Variants in ZNF532 observed in about 807,000 individuals in gnomAD.
ZNF532 encodes the protein zinc finger protein 532.
Under a neutral mutation model 89.3 loss-of-function variants are expected in ZNF532, and 22 were observed. The observed-to-expected ratio is 0.25, with a 90% CI of 0.18 to 0.35. ZNF532 has a LOEUF of 0.35. Ranked by LOEUF, ZNF532 falls within the 10% of genes least tolerant of loss-of-function variation. The probability of loss-of-function intolerance (pLI) is 1.00; values close to 1 mark genes in which losing one functional copy is unlikely to be tolerated. For missense variants in ZNF532, 1,132 were observed against 1,643.4 expected (o/e 0.69, Z 5.38); for synonymous variants, 606 against 649.6 (o/e 0.93, Z 1.02).
intron 3 of ZNF532, 42 bp from the exon 4 acceptor site, chr18:58,934,391 A>C: frequency 6.3e-7 from 1 of 1,578,210 alleles, no homozygotes; most frequent in South Asian, 1.1e-5. Flanking sequence ...ATTAGAAAGT[A>C]CTTAGTAGGA....
intron 2 of ZNF532, among the ~76,000 whole-genome samples, chr18:58,893,050 C>T (rs925873209): frequency 7.0e-6 from 1 of 142,312 alleles, no homozygotes; most frequent in East Asian, 2.1e-4. Flanking sequence ...GGCGCGATTT[C>T]AGCTCACTGC....
At chr18:58,868,571 A>G (rs2144497758) in intron 2 of ZNF532, among the ~76,000 whole-genome samples, 1 of 152,332 alleles carries the variant, frequency 6.6e-6, no homozygotes, top group Middle Eastern at 3.4e-3. Context: ...GTCAGATAGC[A>G]AGATGCGTTT....
chr18:58,948,321 G>A (rs754651424), intron 6 of ZNF532, 92 bp downstream of exon 6: 151 of 1,339,832 alleles, frequency 1.1e-4, no homozygotes, highest in Middle Eastern at 3.8e-4. Flanking sequence ...TCTAAAGCAT[G>A]CCTCACTGTC....
At chr18:58,915,379 C>T (rs2060531178) in intron 2 of ZNF532, among the ~76,000 whole-genome samples, 1 of 152,188 alleles carries the variant, frequency 6.6e-6, no homozygotes, top group African/African-American at 2.4e-5. Context: ...CACTGCTTCA[C>T]GCTGGACTCC....
chr18:58,969,137 G>C (rs1374873292), intron 7 of ZNF532, among the ~76,000 whole-genome samples: 1 of 149,074 alleles, frequency 6.7e-6, no homozygotes, highest in Admixed American at 6.7e-5. Context: ...AGGGATTGTA[G>C]GACTTTTTGC....
At chr18:58,931,054 A>C (rs887839946) in intron 3 of ZNF532, among the ~76,000 whole-genome samples, 39 of 152,250 alleles carry the variant, frequency 2.6e-4, no homozygotes, top group African/African-American at 6.5e-4. Context: ...AAAAAGTAAC[A>C]GTTTAACCGA....
At chr18:58,941,668 C>T (rs980212715) in intron 5 of ZNF532, among the ~76,000 whole-genome samples, 6 of 151,928 alleles carry the variant, frequency 3.9e-5, no homozygotes, top group East Asian at 1.9e-4. Context: ...GGGATTTTGC[C>T]GTGTTGCCAA....
At chr18:58,956,912 C>T (rs902308575) in intron 7 of ZNF532, among the ~76,000 whole-genome samples, 2 of 152,180 alleles carry the variant, frequency 1.3e-5, no homozygotes, top group Non-Finnish European at 2.9e-5. Context: ...AAAATTCAAC[C>T]ACTCTTATAA....
intron 7 of ZNF532, among the ~76,000 whole-genome samples, chr18:58,975,307 A>G (rs560491150): frequency 6.6e-4 from 101 of 152,306 alleles, no homozygotes; most frequent in African/African-American, 2.3e-3. Context: ...ATGTTGGTGC[A>G]AGGCAGATAC....
intron 2 of ZNF532, among the ~76,000 whole-genome samples, chr18:58,912,286 A>G (rs1603010478): frequency 6.6e-6 from 1 of 152,348 alleles, no homozygotes; most frequent in South Asian, 2.1e-4. Context: ...TTGTATATCC[A>G]TGATTGGTAT....
intron 2 of ZNF532, among the ~76,000 whole-genome samples, chr18:58,884,384 AT>A (rs975686083): frequency 3.9e-5 from 6 of 152,196 alleles, no homozygotes; most frequent in African/African-American, 1.4e-4. Context: ...CCGTCTCAAA[AT>A]TTTTTTTAAT....
intron 2 of ZNF532, among the ~76,000 whole-genome samples, chr18:58,909,280 G>C (rs2060130153): frequency 6.6e-6 from 1 of 152,150 alleles, no homozygotes; most frequent in Non-Finnish European, 1.5e-5. Flanking sequence ...TGTTTTCCTA[G>C]AGCAGGTGAA....
intron 2 of ZNF532, among the ~76,000 whole-genome samples, chr18:58,888,785 AAAATAT>A (rs2058575338): frequency 4.6e-5 from 2 of 43,054 alleles, no homozygotes; most frequent in Admixed American, 4.3e-4. Context: ...ATATATATAT[AAAATAT>A]ATATAATTTA....
chr18:58,888,828 T>TTTA lies in ZNF532; in HGVS notation c.-18+23250_-18+23251insTAT, dbSNP rs2058612377. ...ATATATAAAAAATTATATATATAAATTATATATATAATTTATATATATATA... is the reference window on the plus strand; with the variant it reads ...ATATATAAAAAATTATATATATAAATTTATATATATATAATTTATATATATATA... On this transcript the variant is annotated intron_variant, in intron 2 of 9. Coordinates refer to ENST00000591808, the MANE Select transcript of ZNF532 (RefSeq NM_001375912.1). Among the ~76,000 whole-genome samples the TTTA allele has an allele frequency of 2.6e-4, 12 of 45,706 alleles. No homozygotes were observed. The South Asian group carries it at 5.5e-3, about 21-fold the overall frequency. The allele number at this position is 45,706 out of a possible 152,430, so 30.0% of individuals were successfully genotyped here.
At chr18:58,936,708 G>A (rs2062503600) in intron 4 of ZNF532, among the ~76,000 whole-genome samples, 1 of 152,204 alleles carries the variant, frequency 6.6e-6, no homozygotes, top group Non-Finnish European at 1.5e-5. Context: ...ACGATGTGTT[G>A]TGAAGTTTAG....
In ZNF532 at chr18:58,918,991, T is replaced by A. The variant is rs2060816150; in HGVS notation, c.704T>A (p.Leu235Gln). The change falls in exon 3 of 10, where the codon CTG (leucine) becomes CAG (glutamine). Residue 235 changes from leucine (L) to glutamine (Q), a missense_variant. Leu to Gln is a moderately radical substitution (Grantham distance 113). Around this residue, in one of 9 missense-constraint regions of ZNF532, gnomAD observed 302 missense variants for 319.8 expected, o/e 0.94. Transcript: ENST00000591808. ...TTGAAGGAAAGCTCTGACAAGGTGC[T>A]GGAAAACAGAGTCCTAGATGGGAAG... ...DKLKESSDKVLENRVLDGKLS... is the reference protein window; with the variant it reads ...DKLKESSDKVQENRVLDGKLS... 6.2e-7 allele frequency: 1 copy of A among 1,613,386 alleles called. No individual in the cohort carries two copies. Among genetic ancestry groups the A allele is most frequent in the Non-Finnish European group, 8.5e-7 (1 of 1,180,044 alleles).
At chr18:58,981,316 A>G (rs1169598367) in intron 8 of ZNF532, 154 bp from the exon 9 acceptor site, 7 of 937,380 alleles carry the variant, frequency 7.5e-6, no homozygotes, top group Non-Finnish European at 1.1e-5. Context: ...ACTCCTAGCA[A>G]AATTGCTGAT....
chr18:58,921,095 A>G lies in ZNF532; in HGVS notation c.2346+462A>G, dbSNP rs79762236. On this transcript the variant is annotated intron_variant, in intron 3 of 9. Transcript: ENST00000591808. ...TGGGGCGAGATCATATCTCTTTAAA[A>G]AAAAAAGAACAGAAACAATGTTGAA... is the stretch of plus-strand genomic sequence containing the variant. Among the ~76,000 whole-genome samples the G allele has an allele frequency of 4.9e-3, 746 of 152,230 alleles. 7 individuals carry two copies. Among genetic ancestry groups the G allele is most frequent in the African/African-American group, 0.016 (677 of 41,526 alleles).
At chr18:58,888,809 A>AATTTATATATAT (rs2058596692) in intron 2 of ZNF532, among the ~76,000 whole-genome samples, 5 of 42,160 alleles carry the variant, frequency 1.2e-4, no homozygotes, top group African/African-American at 7.1e-4. Flanking sequence ...TTATATATAT[A>AATTTATATATAT]AAAAATTATA....
Sources: allele counts gnomAD v4.1 joint callset (sites outside exome capture counted in the v4.1 genomes callset), GRCh38; gene constraint gnomAD v4.1.1; regional missense constraint gnomAD v4.1.1; transcripts MANE v1.5; gene names NCBI Gene and HGNC (gene_info 2026-07-23, HGNC 2026-07-21).